CMTM7: variants seen among roughly 807,000 people sequenced by gnomAD.
The protein encoded by CMTM7 is CKLF-like MARVEL transmembrane domain-containing protein 7.
Under a neutral mutation model 19.3 loss-of-function variants are expected in CMTM7, and 7 were observed. The ratio of observed to expected loss-of-function variants is 0.36; its 90% CI spans 0.21 to 0.68. CMTM7 has a LOEUF of 0.68. Ranked by LOEUF, CMTM7 falls within the 30% of genes least tolerant of loss-of-function variation. The pLI is 0.60. For missense variants in CMTM7, 193 were observed against 232.6 expected, an observed-to-expected ratio of 0.83 and a Z score of 1.11; for synonymous variants, 87 against 99.3, an observed-to-expected ratio of 0.88 and a Z score of 0.74.
intron 2 of CMTM7, among the ~76,000 whole-genome samples, chr3:32,448,829 G>A (rs531254441): frequency 1.5e-4 from 22 of 151,094 alleles, no homozygotes; most frequent in African/African-American, 5.3e-4. Context: ...AAAGCCAGCT[G>A]CCACCACACA....
intron 1 of CMTM7, among the ~76,000 whole-genome samples, chr3:32,412,480 GACAC>G (rs3081435): frequency 0.032 from 3,877 of 119,900 alleles, 64 homozygotes; most frequent in African/African-American, 0.044. Context: ...GATTGAGACT[GACAC>G]ACACACACAC....
intron 1 of CMTM7, among the ~76,000 whole-genome samples, chr3:32,432,060 C>G (rs1696527841): frequency 6.6e-6 from 1 of 152,236 alleles, no homozygotes; most frequent in African/African-American, 2.4e-5. Flanking sequence ...GATATGCTCC[C>G]TCTTCTGAGC....
At chr3:32,404,159 T>TTC (rs1696055898) in intron 1 of CMTM7, among the ~76,000 whole-genome samples, 1 of 71,040 alleles carries the variant, frequency 1.4e-5, no homozygotes, top group African/African-American at 3.4e-5. Context: ...TTTCTTTTTT[T>TTC]TTCTTTTTTT....
chr3:32,411,264 CTT>C (rs1159741643), intron 1 of CMTM7, among the ~76,000 whole-genome samples: 2 of 152,166 alleles, frequency 1.3e-5, no homozygotes, highest in East Asian at 1.9e-4. Context: ...ACAAATCTCT[CTT>C]ATCGTTCAGG....
chr3:32,416,361 A>ATTTTTTTTTTTTTT (rs58085712), intron 1 of CMTM7, among the ~76,000 whole-genome samples: 4 of 72,420 alleles, frequency 5.5e-5, no homozygotes, highest in Non-Finnish European at 7.6e-5. Context: ...ATCCGGGCTA[A>ATTTTTTTTTTTTTT]TTTTTTTTTT....
intron 1 of CMTM7, among the ~76,000 whole-genome samples, chr3:32,397,724 C>T (rs1439504348): frequency 7.1e-6 from 1 of 140,940 alleles, no homozygotes; most frequent in Non-Finnish European, 1.6e-5. Flanking sequence ...CAAAGTGAGA[C>T]TCTGTCTCAA....
intron 1 of CMTM7, among the ~76,000 whole-genome samples, chr3:32,436,993 C>A (rs896298824): frequency 6.6e-6 from 1 of 152,180 alleles, no homozygotes; most frequent in Non-Finnish European, 1.5e-5. Flanking sequence ...CTTTCTGGCA[C>A]CTGGCTGGTT....
chr3:32,395,325 ATT>A (rs139737905), intron 1 of CMTM7, among the ~76,000 whole-genome samples: 1 of 150,562 alleles, frequency 6.6e-6, no homozygotes, highest in Non-Finnish European at 1.5e-5. Context: ...TTTAATAGCT[ATT>A]TTTTTTTAGC....
At chr3:32,402,020 T>C (rs1696015533) in intron 1 of CMTM7, among the ~76,000 whole-genome samples, 1 of 152,236 alleles carries the variant, frequency 6.6e-6, no homozygotes, top group South Asian at 2.1e-4. Context: ...TTCCTTTTCC[T>C]GGGGCAGTCA....
chr3:32,404,451 G>T (rs1467421121), intron 1 of CMTM7, among the ~76,000 whole-genome samples: 1 of 152,096 alleles, frequency 6.6e-6, no homozygotes, highest in Non-Finnish European at 1.5e-5. Flanking sequence ...GTGAGCCACC[G>T]CGCCCAGCCT....
At chr3:32,446,723 C>T (rs1474033418) in intron 2 of CMTM7, among the ~76,000 whole-genome samples, 16 of 152,082 alleles carry the variant, frequency 1.1e-4, no homozygotes, top group Admixed American at 1.0e-3. Context: ...TGAGTTCTTG[C>T]TCTGTTAGTT....
chr3:32,425,389 G>A (rs1696415302), intron 1 of CMTM7, among the ~76,000 whole-genome samples: 1 of 151,844 alleles, frequency 6.6e-6, no homozygotes, highest in African/African-American at 2.4e-5. Flanking sequence ...GGGAGCCTGT[G>A]GGAAACATGA....
chr3:32,401,449 A>G (rs572055244), intron 1 of CMTM7, among the ~76,000 whole-genome samples: 46 of 152,308 alleles, frequency 3.0e-4, no homozygotes, highest in Admixed American at 1.6e-3. Context: ...TGTGAGCCCC[A>G]TAGGTTTTCT....
chr3:32,452,269 T>C (rs1188828066), intron 3 of CMTM7, 123 bp from the exon 4 acceptor site: 20 of 1,580,292 alleles, frequency 1.3e-5, no homozygotes, highest in African/African-American at 2.7e-5. Context: ...GTTAGATGAC[T>C]CTCCAAGCTC....
At chr3:32,431,198 T>C (rs1696513043) in intron 1 of CMTM7, among the ~76,000 whole-genome samples, 1 of 152,208 alleles carries the variant, frequency 6.6e-6, no homozygotes, top group Non-Finnish European at 1.5e-5. Context: ...AGGATAAAAC[T>C]ATATGTACAG....
intron 1 of CMTM7, among the ~76,000 whole-genome samples, chr3:32,425,555 A>C (rs1258346329): frequency 6.6e-6 from 1 of 152,170 alleles, no homozygotes; most frequent in Non-Finnish European, 1.5e-5. Context: ...TTGTAAATTA[A>C]CATGCTCTGT....
chr3:32,416,066 A>G (rs138830456), intron 1 of CMTM7, among the ~76,000 whole-genome samples: 31 of 152,362 alleles, frequency 2.0e-4, no homozygotes, highest in Middle Eastern at 6.8e-3. Flanking sequence ...GCTGCCCACT[A>G]CATGGGTAGG....
In CMTM7 at chr3:32,416,452, G is replaced by A. The variant is rs546526006; in HGVS notation, c.159+24387G>A. On this transcript the variant is annotated intron_variant, in intron 1 of 4. Transcript: ENST00000334983. ...CGGACTGCGGACTGACTGCAGTGGCGCAATCTCGGCTCACTGCAAGCTCCG... is the reference window on the plus strand; with the variant it reads ...CGGACTGCGGACTGACTGCAGTGGCACAATCTCGGCTCACTGCAAGCTCCG... 2.6e-3 allele frequency among the ~76,000 whole-genome samples: 262 copies of A among 100,364 alleles called. 13 individuals are homozygous for A. Among genetic ancestry groups the A allele is most frequent in the African/African-American group, 9.3e-3 (244 of 26,240 alleles). The allele number at this position is 100,364 out of a possible 152,430, so 65.8% of individuals were successfully genotyped here.
At chr3:32,430,620 G>A (rs1211180202) in intron 1 of CMTM7, among the ~76,000 whole-genome samples, 2 of 151,766 alleles carry the variant, frequency 1.3e-5, no homozygotes, top group African/African-American at 4.8e-5. Flanking sequence ...TCGATGGGAT[G>A]TGCGCTTAGT....
Sources: allele counts gnomAD v4.1 joint callset (sites outside exome capture counted in the v4.1 genomes callset), GRCh38; gene constraint gnomAD v4.1.1; transcripts MANE v1.5; gene names NCBI Gene and HGNC (gene_info 2026-07-23, HGNC 2026-07-21).